The following SPON1 variants were observed in gnomAD, a reference collection of about 807,000 sequenced individuals.
SPON1 encodes spondin 1, also known as spondin-1.
SPON1 carries 52 observed loss-of-function variants against 111.7 expected under a neutral mutation model. The ratio of observed to expected loss-of-function variants is 0.47; its 90% CI spans 0.37 to 0.59. SPON1 has a LOEUF of 0.59. Among genes scored for constraint, SPON1 ranks in the 20% least tolerant of loss-of-function variants. The pLI, the probability that SPON1 is intolerant of heterozygous loss-of-function variation, is 0.00. For synonymous variants in SPON1, 410 were observed against 395.8 expected (o/e 1.04, Z -0.43); for missense variants, 957 against 1,068.5 (o/e 0.90, Z 1.46).
At chr11:14,202,964 C>T (rs1848479323) in intron 6 of SPON1, among the ~76,000 whole-genome samples, 1 of 152,116 alleles carries the variant, frequency 6.6e-6, no homozygotes, top group Non-Finnish European at 1.5e-5. Flanking sequence ...CTATAATCAA[C>T]CTCAATCTAC....
intron 6 of SPON1, among the ~76,000 whole-genome samples, chr11:14,205,595 C>T (rs1017746805): frequency 2.0e-5 from 3 of 152,188 alleles, no homozygotes; most frequent in Non-Finnish European, 4.4e-5. Context: ...ATTGCAACAA[C>T]ATTAAAAGAG....
intron 7 of SPON1, among the ~76,000 whole-genome samples, chr11:14,246,142 T>C (rs1386345819): frequency 1.3e-5 from 2 of 152,068 alleles, no homozygotes; most frequent in Non-Finnish European, 2.9e-5. Flanking sequence ...TTTACACCAT[T>C]AAGGAGTCTT....
chr11:13,993,411 A>G (rs1554911432), intron 2 of SPON1, among the ~76,000 whole-genome samples: 1 of 151,996 alleles, frequency 6.6e-6, no homozygotes, highest in Non-Finnish European at 1.5e-5. Context: ...CAGGGACTCA[A>G]TTGCCTGTAC....
At position 14,012,129 on chromosome 11, in the gene SPON1, C is replaced by T. The variant is rs781822314; in HGVS notation, c.345+29176C>T. Among the ~76,000 whole-genome samples, 19 of 152,120 alleles carry T rather than the reference C, an allele frequency of 1.2e-4. 2 individuals are homozygous for T. The highest frequency in any genetic ancestry group is 1.0e-3 in the Admixed American group (16 of 15,268). On this transcript the variant is annotated intron_variant, in intron 2 of 15. Transcript: ENST00000576479. ...GCCATGTAGGTCATAGGAGGGAGTT[C>T]GTTGACACTTTATCTCCTCTTTACC...
intron 2 of SPON1, among the ~76,000 whole-genome samples, chr11:14,000,499 T>C (rs1848308774): frequency 1.3e-5 from 2 of 152,230 alleles, no homozygotes. Context: ...TTCAGCACTA[T>C]AATAGGGCCT....
intron 3 of SPON1, among the ~76,000 whole-genome samples, chr11:14,065,401 C>G (rs1848823985): frequency 6.6e-6 from 1 of 152,188 alleles, no homozygotes; most frequent in Non-Finnish European, 1.5e-5. Context: ...ATTTCCTCTT[C>G]CTTAGAGGCT....
chr11:14,021,045 AG>A (rs2133803638), intron 2 of SPON1, among the ~76,000 whole-genome samples: 1 of 152,308 alleles, frequency 6.6e-6, no homozygotes, highest in African/African-American at 2.4e-5. Flanking sequence ...GAAAGAAATG[AG>A]GTTACAGAAT....
rs142094068 is a variant in SPON1, at chr11:14,160,151, C to A, written c.825+24583C>A. On this transcript the variant is annotated intron_variant, in intron 6 of 15. Coordinates refer to ENST00000576479, the MANE Select transcript of SPON1 (RefSeq NM_006108.4). The stretch of plus-strand genomic sequence containing the variant: ...TGGATGACCCAAATCATCTCATGTA[C>A]CTCATAAATATATACACCCACAAAA... 1.6e-3 allele frequency among the ~76,000 whole-genome samples: 235 copies of A among 150,914 alleles called. 2 individuals carry two copies. The East Asian group carries it at 0.034, about 22-fold the overall frequency.
chr11:14,041,374 C>A, intron 2 of SPON1, 147 bp from the exon 3 acceptor site: 1 of 915,944 alleles, frequency 1.1e-6, no homozygotes, highest in Non-Finnish European at 1.6e-6. Context: ...GACTTTATGC[C>A]AAGCACTATT....
chr11:14,231,671 TAAATAGATTACAC>T (rs1412500883), intron 6 of SPON1, among the ~76,000 whole-genome samples: 2 of 152,120 alleles, frequency 1.3e-5, no homozygotes, highest in Non-Finnish European at 2.9e-5. Context: ...TCCACAAAGG[TAAATAGATTACAC>T]AAATAGATTA....
At chr11:14,243,674 C>A (rs1164346517) in intron 7 of SPON1, among the ~76,000 whole-genome samples, 48 of 152,188 alleles carry the variant, frequency 3.2e-4, no homozygotes, top group African/African-American at 1.1e-3. Context: ...GTTCTGTGTT[C>A]ACTCATGCTC....
chr11:14,009,334 A>C (rs1848387326), intron 2 of SPON1, among the ~76,000 whole-genome samples: 1 of 152,160 alleles, frequency 6.6e-6, no homozygotes. Context: ...AGCTCTAGAC[A>C]CATTGGTCTT....
At chr11:14,131,203 T>G (rs1159965244) in intron 5 of SPON1, among the ~76,000 whole-genome samples, 1 of 152,154 alleles carries the variant, frequency 6.6e-6, no homozygotes. Context: ...CACAGTGGGA[T>G]GTAGGGAGAT....
At chr11:14,071,988 A>G (rs781835031) in intron 3 of SPON1, among the ~76,000 whole-genome samples, 22 of 152,186 alleles carry the variant, frequency 1.4e-4, no homozygotes, top group Non-Finnish European at 1.3e-4. Context: ...TGTGAGCCAC[A>G]GCACCTGGCC....
intron 6 of SPON1, among the ~76,000 whole-genome samples, chr11:14,149,224 T>A (rs1370475276): frequency 2.6e-5 from 4 of 152,150 alleles, no homozygotes; most frequent in African/African-American, 9.7e-5. Context: ...TAGAAGTCAA[T>A]GATGTTGATG....
intron 2 of SPON1, among the ~76,000 whole-genome samples, chr11:14,037,617 A>G (rs944386024): frequency 2.0e-5 from 3 of 152,332 alleles, no homozygotes; most frequent in Middle Eastern, 3.4e-3. Context: ...AAAATGCAGA[A>G]CTATAAAACT....
intron 6 of SPON1, among the ~76,000 whole-genome samples, chr11:14,161,879 G>A (rs1360264428): frequency 6.6e-6 from 1 of 151,992 alleles, no homozygotes; most frequent in African/African-American, 2.4e-5. Context: ...CACACCAGGT[G>A]TGGTGGCTCA....
At chr11:14,103,400 A>G (rs1564906002) in intron 5 of SPON1, among the ~76,000 whole-genome samples, 1 of 152,192 alleles carries the variant, frequency 6.6e-6, no homozygotes, top group Non-Finnish European at 1.5e-5. Flanking sequence ...GGGAATAGGA[A>G]TAGAGCTGGC....
chr11:14,150,674 A>G (rs1309675145), intron 6 of SPON1, among the ~76,000 whole-genome samples: 1 of 152,176 alleles, frequency 6.6e-6, no homozygotes, highest in African/African-American at 2.4e-5. Context: ...AAAAAAATAG[A>G]ATAGAAAATG....
Sources: allele counts gnomAD v4.1 joint callset (sites outside exome capture counted in the v4.1 genomes callset), GRCh38; gene constraint gnomAD v4.1.1; transcripts MANE v1.5; gene names NCBI Gene and HGNC (gene_info 2026-07-23, HGNC 2026-07-21).